PLA2R1: variants seen among roughly 807,000 people sequenced by gnomAD.
PLA2R1 encodes secretory phospholipase A2 receptor.
Under a neutral mutation model 195.9 loss-of-function variants are expected in PLA2R1, and 158 were observed. That is an observed-to-expected ratio of 0.81 (90% CI 0.71 to 0.92). PLA2R1 has a LOEUF of 0.92. PLA2R1 is among the 40% of genes least tolerant of loss of function. The probability of loss-of-function intolerance (pLI) is 0.00; values close to 1 mark genes in which losing one functional copy is unlikely to be tolerated. For missense variants in PLA2R1, 1,626 were observed against 1,764.6 expected (o/e 0.92, Z 1.41); for synonymous variants, 586 against 598.2 (o/e 0.98, Z 0.30).
At chr2:159,929,855 TG>T (rs1686547645), downstream of PLA2R1, among the ~76,000 whole-genome samples, 1 of 110,876 alleles carries the variant, frequency 9.0e-6, no homozygotes, top group Non-Finnish European at 2.1e-5. Context: ...TATATATTTG[TG>T]TGTGTGTGTG....
rs1432126667 is a variant in PLA2R1, at chr2:160,028,201, A to G, written c.1099+17T>C. 6.5e-7 allele frequency: 1 copy of G among 1,549,026 alleles called. No homozygotes were observed. Among genetic ancestry groups the G allele is most frequent in the African/African-American group, 1.4e-5 (1 of 72,292 alleles). On this transcript the variant is annotated intron_variant, in intron 6 of 29. Coordinates refer to ENST00000283243, the MANE Select transcript of PLA2R1 (RefSeq NM_007366.5). ...AGTCAACAACACCTAAGAACAACTT[A>G]AAATAAAAACGCTTACCAACTATTT... is the stretch of plus-strand genomic sequence containing the variant.
At chr2:159,984,703 G>A (rs1184968265) in intron 12 of PLA2R1, among the ~76,000 whole-genome samples, 2 of 152,152 alleles carry the variant, frequency 1.3e-5, no homozygotes, top group East Asian at 3.9e-4. Flanking sequence ...TCTTCATGGT[G>A]GCAGGAAGAA....
intron 14 of PLA2R1, 43 bp from the exon 15 acceptor site, chr2:159,977,459 C>A (rs761565532): frequency 1.9e-6 from 3 of 1,596,392 alleles, no homozygotes; most frequent in African/African-American, 2.7e-5. Context: ...ATGATCCCCC[C>A]ACAAAGTTTC....
chr2:160,051,358 T>C (rs4665145), intron 1 of PLA2R1, among the ~76,000 whole-genome samples: 118,953 of 152,192 alleles, frequency 0.78, 46,761 homozygotes, highest in East Asian at 0.96. Flanking sequence ...ATTGCTTCTA[T>C]TCCATCTACC....
intron 1 of PLA2R1, among the ~76,000 whole-genome samples, chr2:160,047,159 C>A (rs1413671000): frequency 6.6e-6 from 1 of 152,152 alleles, no homozygotes; most frequent in African/African-American, 2.4e-5. Context: ...TCTGGAGTCA[C>A]GTGGAGCTGT....
downstream of PLA2R1, among the ~76,000 whole-genome samples, chr2:159,929,765 T>C (rs1233518191): frequency 6.6e-6 from 1 of 152,064 alleles, no homozygotes; most frequent in Non-Finnish European, 1.5e-5. Context: ...TGCCCATCAA[T>C]CAATGAGTGG....
intron 11 of PLA2R1, among the ~76,000 whole-genome samples, chr2:159,994,330 G>C (rs1319300203): frequency 2.0e-5 from 3 of 152,030 alleles, no homozygotes; most frequent in African/African-American, 7.2e-5. Context: ...TAAAGGCAGG[G>C]GTGGAAATTG....
chr2:160,028,714 T>TA, intron 5 of PLA2R1, 136 bp downstream of exon 5: 1 of 628,596 alleles, frequency 1.6e-6, no homozygotes, highest in South Asian at 2.0e-5. Context: ...AAGCTTGCCT[T>TA]AAAGGAATTC....
intron 17 of PLA2R1, among the ~76,000 whole-genome samples, chr2:159,972,482 A>G (rs1689256884): frequency 1.3e-5 from 2 of 152,224 alleles, no homozygotes. Context: ...AGCATTTACC[A>G]AAAACAAACA....
intron 12 of PLA2R1, among the ~76,000 whole-genome samples, chr2:159,985,099 G>T (rs1690234409): frequency 6.6e-6 from 1 of 152,174 alleles, no homozygotes; most frequent in African/African-American, 2.4e-5. Flanking sequence ...CACCAGACCA[G>T]AAGTCCTAAA....
chr2:159,972,578 G>A (rs1329140044), intron 17 of PLA2R1, among the ~76,000 whole-genome samples: 2 of 152,090 alleles, frequency 1.3e-5, no homozygotes, highest in South Asian at 2.1e-4. Context: ...TTCCCATCAA[G>A]GATGACAAAT....
chr2:159,956,632 C>CA lies in PLA2R1; in HGVS notation c.2905-6dup. 1.3e-6 allele frequency: 2 copies of CA among 1,485,552 alleles called. No individual in the cohort carries two copies. Among genetic ancestry groups the CA allele is most frequent in the Non-Finnish European group, 1.9e-6 (2 of 1,063,130 alleles). The allele number at this position is 1,485,552 out of a possible 1,614,324, so 92.0% of individuals were successfully genotyped here. ...GGGGATATTCAGCAGAAGGCACTATCAAAAAATGTCAAAACAAAACATTCA... is the reference window on the plus strand; with the variant it reads ...GGGGATATTCAGCAGAAGGCACTATCAAAAAAATGTCAAAACAAAACATTCA... On this transcript the variant is annotated splice_polypyrimidine_tract_variant and splice_region_variant and intron_variant, in intron 20 of 29. Transcript: ENST00000283243.
At chr2:160,040,795 T>C (rs1694475951) in intron 3 of PLA2R1, among the ~76,000 whole-genome samples, 1 of 152,210 alleles carries the variant, frequency 6.6e-6, no homozygotes, top group Non-Finnish European at 1.5e-5. Context: ...GATTCAGAAG[T>C]GTATGCTGAA....
downstream of PLA2R1, among the ~76,000 whole-genome samples, chr2:159,927,885 C>T (rs1055302449): frequency 2.0e-5 from 3 of 152,164 alleles, no homozygotes; most frequent in African/African-American, 7.2e-5. Context: ...ACAAATTAGC[C>T]ATGTATTACT....
intron 11 of PLA2R1, among the ~76,000 whole-genome samples, chr2:160,003,803 AGAAAT>A (rs1281565633): frequency 6.6e-6 from 1 of 152,186 alleles, no homozygotes; most frequent in African/African-American, 2.4e-5. Context: ...CTTTTGTAGC[AGAAAT>A]GAAAATGAAT....
chr2:160,024,407 C>T (rs1201311376), intron 6 of PLA2R1, among the ~76,000 whole-genome samples: 5 of 152,150 alleles, frequency 3.3e-5, no homozygotes, highest in Admixed American at 3.3e-4. Context: ...GGCTTATCAC[C>T]CTGCCTCCAA....
chr2:160,050,342 C>T lies in PLA2R1; in HGVS notation c.110-5185G>A, dbSNP rs931738243. Among the ~76,000 whole-genome samples, 10 of 152,256 alleles carry T rather than the reference C, an allele frequency of 6.6e-5. No homozygotes were observed. The East Asian group carries it at 7.7e-4, about 12-fold the overall frequency. ...AAGCAGGGCAGTGCTGGAAGGAAGA[C>T]GGGTGTGGCAGAGGAGACTCACTTC... On this transcript the variant is annotated intron_variant, in intron 1 of 29. Coordinates refer to ENST00000283243, the MANE Select transcript of PLA2R1 (RefSeq NM_007366.5).
intron 19 of PLA2R1, 22 bp downstream of exon 19, chr2:159,969,233 CA>C (rs1288104627): frequency 2.3e-6 from 3 of 1,287,680 alleles, no homozygotes; most frequent in African/African-American, 2.9e-5. Flanking sequence ...ATTATAAACC[CA>C]AAAATGGGTA....
chr2:159,961,606 C>T (rs1008617671), intron 20 of PLA2R1, among the ~76,000 whole-genome samples: 1 of 152,152 alleles, frequency 6.6e-6, no homozygotes, highest in Non-Finnish European at 1.5e-5. Flanking sequence ...CCAGGGCTAG[C>T]TTCAGAAGGC....
Sources: allele counts gnomAD v4.1 joint callset (sites outside exome capture counted in the v4.1 genomes callset), GRCh38; gene constraint gnomAD v4.1.1; transcripts MANE v1.5; gene names NCBI Gene and HGNC (gene_info 2026-07-23, HGNC 2026-07-21).